The following EXOC6B variants were observed in gnomAD, a reference collection of about 807,000 sequenced individuals.
EXOC6B encodes exocyst complex component 6B.
In EXOC6B, 54 loss-of-function variants were observed where a neutral mutation model predicts 113.5. The ratio of observed to expected loss-of-function variants is 0.48; its 90% CI spans 0.38 to 0.60. The LOEUF (loss-of-function observed/expected upper bound fraction) is 0.60, where lower values mean the gene tolerates loss of function less well. Among genes scored for constraint, EXOC6B ranks in the 20% least tolerant of loss-of-function variants. EXOC6B has a pLI of 0.00. For missense variants in EXOC6B, 797 were observed against 977.5 expected, an observed-to-expected ratio of 0.82 and a Z score of 2.46; for synonymous variants, 357 against 339.0, an observed-to-expected ratio of 1.05 and a Z score of -0.58.
intron 8 of EXOC6B, among the ~76,000 whole-genome samples, chr2:72,555,287 G>A (rs921431025): frequency 2.6e-5 from 4 of 152,098 alleles, no homozygotes; most frequent in Non-Finnish European, 5.9e-5. Flanking sequence ...GGGATGGCTG[G>A]GTCAAATGGT....
intron 6 of EXOC6B, among the ~76,000 whole-genome samples, chr2:72,612,592 C>T (rs374142701): frequency 1.1e-4 from 16 of 152,272 alleles, no homozygotes; most frequent in African/African-American, 3.1e-4. Flanking sequence ...CTTTTGCTTC[C>T]TGTTTTCTCC....
chr2:72,231,941 A>G (rs1681648077), intron 20 of EXOC6B, among the ~76,000 whole-genome samples: 1 of 152,098 alleles, frequency 6.6e-6, no homozygotes, highest in African/African-American at 2.4e-5. Flanking sequence ...ACCCAAAGGA[A>G]CAGAAATCAT....
chr2:72,622,387 A>G (rs1558853522), intron 6 of EXOC6B, among the ~76,000 whole-genome samples: 1 of 152,164 alleles, frequency 6.6e-6, no homozygotes, highest in Non-Finnish European at 1.5e-5. Context: ...AAATGTTTCT[A>G]TATGAAGTAA....
chr2:72,731,119 T>C (rs1267739109), intron 4 of EXOC6B, 36 bp downstream of exon 4: 4 of 1,582,860 alleles, frequency 2.5e-6, no homozygotes, highest in Middle Eastern at 1.7e-4. Context: ...AAAAAAAAAT[T>C]ACACCAAGAA....
intron 1 of EXOC6B, among the ~76,000 whole-genome samples, chr2:72,746,683 TA>T (rs761723884): frequency 6.6e-5 from 10 of 152,124 alleles, no homozygotes; most frequent in Non-Finnish European, 8.8e-5. Flanking sequence ...AATAATGTTA[TA>T]AGCATTATTT....
At chr2:72,334,824 C>T in intron 20 of EXOC6B, 123 bp downstream of exon 20, 1 of 749,228 alleles carries the variant, frequency 1.3e-6, no homozygotes. Context: ...CAGGGAAAAC[C>T]CTTAGGTCTC....
intron 18 of EXOC6B, 194 bp downstream of exon 18, chr2:72,464,966 A>G (rs917392137): frequency 6.8e-6 from 4 of 586,104 alleles, no homozygotes; most frequent in Non-Finnish European, 3.0e-6. Context: ...TTCAGATGAA[A>G]AAAATGCAAA....
intron 6 of EXOC6B, among the ~76,000 whole-genome samples, chr2:72,692,849 G>T (rs1171068232): frequency 6.6e-6 from 1 of 151,990 alleles, no homozygotes; most frequent in East Asian, 1.9e-4. Context: ...GAAACTAAGT[G>T]GAATCTTAGG....
In EXOC6B at chr2:72,465,314, T is replaced by C. The variant is rs1172142567; in HGVS notation, c.1826A>G (p.Glu609Gly). 6.2e-7 allele frequency: 1 copy of C among 1,601,412 alleles called. No homozygotes were observed. Residue 609 changes from glutamate (E) to glycine (G), a missense_variant, in exon 18 of 22, where the codon GAG becomes GGG. Physicochemically the swap from Glu to Gly is moderately conservative, Grantham distance 98 (BLOSUM62 -2). Transcript: ENST00000272427. ...CTTCTGGTTTAAGTTGGTATAAATCTCTTCTTCAGCTGCATGTCTAGCATC... is the reference window on the plus strand; with the variant it reads ...CTTCTGGTTTAAGTTGGTATAAATCCCTTCTTCAGCTGCATGTCTAGCATC... ...FKDARHAAEE[E>G]IYTNLNQKID... is the part of the protein sequence containing the mutation.
At chr2:72,734,805 G>A (rs1313454198) in intron 2 of EXOC6B, among the ~76,000 whole-genome samples, 3 of 152,102 alleles carry the variant, frequency 2.0e-5, no homozygotes, top group Non-Finnish European at 2.9e-5. Context: ...ATTTGCAGAG[G>A]GAGTCAAAGC....
intron 6 of EXOC6B, among the ~76,000 whole-genome samples, chr2:72,668,514 C>T (rs1387186734): frequency 6.6e-6 from 1 of 151,658 alleles, no homozygotes; most frequent in South Asian, 2.1e-4. Flanking sequence ...ATGGAGTCAA[C>T]CTAGGTGCCC....
intron 20 of EXOC6B, among the ~76,000 whole-genome samples, chr2:72,322,246 G>T (rs1014094869): frequency 6.6e-6 from 1 of 152,048 alleles, no homozygotes; most frequent in Non-Finnish European, 1.5e-5. Context: ...CAATAAAAAA[G>T]AATGAACTAT....
intron 6 of EXOC6B, among the ~76,000 whole-genome samples, chr2:72,599,261 A>C (rs1177764519): frequency 6.6e-6 from 1 of 152,136 alleles, no homozygotes; most frequent in African/African-American, 2.4e-5. Context: ...TTAAGAAATC[A>C]ATTAATATAA....
intron 18 of EXOC6B, among the ~76,000 whole-genome samples, chr2:72,410,776 A>G (rs1250950794): frequency 1.3e-5 from 2 of 152,214 alleles, no homozygotes; most frequent in African/African-American, 4.8e-5. Flanking sequence ...GATATATAAG[A>G]ACTATATGTA....
chr2:72,592,321 G>T (rs1034896343), intron 6 of EXOC6B, among the ~76,000 whole-genome samples: 6 of 152,080 alleles, frequency 3.9e-5, no homozygotes, highest in African/African-American at 1.4e-4. Context: ...CAATGCCAAA[G>T]GATTAGAAAA....
chr2:72,770,036 A>T (rs1217801163), intron 1 of EXOC6B, among the ~76,000 whole-genome samples: 3 of 152,186 alleles, frequency 2.0e-5, no homozygotes, highest in Non-Finnish European at 4.4e-5. Flanking sequence ...TAGAGCTAAA[A>T]TTTGAATATA....
At chr2:72,589,051 G>GA (rs1444612773) in intron 6 of EXOC6B, among the ~76,000 whole-genome samples, 4 of 151,670 alleles carry the variant, frequency 2.6e-5, no homozygotes, top group Non-Finnish European at 5.9e-5. Flanking sequence ...ACGCCAAGAA[G>GA]AAAAAAACAC....
intron 19 of EXOC6B, among the ~76,000 whole-genome samples, chr2:72,354,479 A>C (rs189885074): frequency 3.9e-5 from 6 of 152,308 alleles, no homozygotes; most frequent in Admixed American, 3.3e-4. Flanking sequence ...CAAGGATGGC[A>C]TCTTAGGCCA....
chr2:72,290,842 C>A (rs1685739633), intron 20 of EXOC6B, among the ~76,000 whole-genome samples: 1 of 151,890 alleles, frequency 6.6e-6, no homozygotes, highest in Admixed American at 6.6e-5. Context: ...ATTATGTTTT[C>A]TCTTATATAA....
Sources: gnomAD v4.1 joint callset for allele counts (sites outside exome capture counted in the v4.1 genomes callset) on GRCh38, gnomAD v4.1.1 for gene constraint, MANE v1.5 for transcripts, NCBI Gene and HGNC (gene_info 2026-07-23, HGNC 2026-07-21) for gene names.